The following KATNIP variants were observed in gnomAD, a reference collection of about 807,000 sequenced individuals.
KATNIP encodes katanin-interacting protein.
Under a neutral mutation model 174.0 loss-of-function variants are expected in KATNIP, and 126 were observed. That is an observed-to-expected ratio of 0.72 (90% CI 0.63 to 0.84). The LOEUF is 0.84. KATNIP is among the 40% of genes least tolerant of loss of function. The probability of loss-of-function intolerance (pLI) is 0.00; values close to 1 mark genes in which losing one functional copy is unlikely to be tolerated. For synonymous variants in KATNIP, 810 were observed against 835.7 expected (o/e 0.97, Z 0.53); for missense variants, 1,958 against 2,109.7 (o/e 0.93, Z 1.41).
At chr16:27,615,253 C>T (rs531605869) in intron 2 of KATNIP, among the ~76,000 whole-genome samples, 10 of 150,746 alleles carry the variant, frequency 6.6e-5, no homozygotes, top group South Asian at 2.1e-4. Context: ...CTCAGCCTCC[C>T]GAGCAGCTGG....
At chr16:27,771,946 G>A (rs992273019) in intron 22 of KATNIP, among the ~76,000 whole-genome samples, 2 of 152,158 alleles carry the variant, frequency 1.3e-5, no homozygotes, top group African/African-American at 4.8e-5. Flanking sequence ...GGGAAGGGGG[G>A]TGTCCTGGAA....
intron 2 of KATNIP, 91 bp downstream of exon 2, chr16:27,574,047 A>T (rs1208009724): frequency 8.7e-7 from 1 of 1,145,610 alleles, no homozygotes; most frequent in Non-Finnish European, 1.3e-6. Flanking sequence ...CCCTAAATAT[A>T]CTCTTTTCTC....
intron 14 of KATNIP, among the ~76,000 whole-genome samples, chr16:27,735,256 G>A (rs552568126): frequency 2.7e-4 from 41 of 152,164 alleles, no homozygotes; most frequent in African/African-American, 6.3e-4. Flanking sequence ...TTCCCTCTCC[G>A]CCAGACGTCT....
intron 14 of KATNIP, among the ~76,000 whole-genome samples, chr16:27,730,912 C>A (rs1212932000): frequency 6.6e-6 from 1 of 152,208 alleles, no homozygotes; most frequent in Non-Finnish European, 1.5e-5. Flanking sequence ...GATGACCTGG[C>A]AAATATTCCC....
intron 1 of KATNIP, among the ~76,000 whole-genome samples, chr16:27,570,430 G>T (rs1440935607): frequency 6.6e-6 from 1 of 152,058 alleles, no homozygotes; most frequent in Non-Finnish European, 1.5e-5. Flanking sequence ...AGCCAGGCAT[G>T]GTGGTGGGCA....
intron 2 of KATNIP, among the ~76,000 whole-genome samples, chr16:27,607,482 C>T (rs2141988186): frequency 6.6e-6 from 1 of 152,222 alleles, no homozygotes; most frequent in Middle Eastern, 3.4e-3. Context: ...CAAGCATTAG[C>T]TTGTCACCCA....
chr16:27,566,257 G>A (rs182915428), intron 1 of KATNIP, among the ~76,000 whole-genome samples: 3 of 152,102 alleles, frequency 2.0e-5, no homozygotes, highest in Non-Finnish European at 4.4e-5. Flanking sequence ...TCAGGAAGCC[G>A]GCCAGGCGTG....
Position 27,749,698 on chromosome 16 carries a change from G to A in KATNIP, c.2738G>A (p.Arg913His), listed in dbSNP as rs750088345. 1.3e-5 allele frequency: 21 copies of A among 1,613,306 alleles called. No individual in the cohort carries two copies. The highest frequency in any genetic ancestry group is 8.8e-5 in the South Asian group (8 of 90,904). ...GCCTTCGACCGCTCCCACCGGGGACGCATCTCCAACACGGAGCTCCCGGGG... is the reference window on the plus strand; with the variant it reads ...GCCTTCGACCGCTCCCACCGGGGACACATCTCCAACACGGAGCTCCCGGGG... ...LSAFDRSHRG[R>H]ISNTELPGDI... Residue 913 changes from arginine to histidine, a missense_variant, in exon 16 of 28, where the codon CGC becomes CAC. By Grantham distance (29) the Arg-to-His change is conservative (BLOSUM62 0). Around this residue, in one of 3 missense-constraint regions of KATNIP, gnomAD observed 1,557 missense variants for 1,617.8 expected, o/e 0.96. Coordinates refer to ENST00000261588, the MANE Select transcript of KATNIP (RefSeq NM_015202.5).
intron 5 of KATNIP, among the ~76,000 whole-genome samples, chr16:27,640,136 G>A (rs1354755885): frequency 6.6e-6 from 1 of 152,224 alleles, no homozygotes; most frequent in Non-Finnish European, 1.5e-5. Context: ...GGCCAGGTAT[G>A]AAATAAGCTG....
At chr16:27,700,725 A>G (rs1281606917) in intron 10 of KATNIP, among the ~76,000 whole-genome samples, 5 of 152,186 alleles carry the variant, frequency 3.3e-5, no homozygotes, top group Admixed American at 6.5e-5. Flanking sequence ...GAGCAGGAAG[A>G]AGCCCTTTGT....
At chr16:27,588,313 A>G (rs1381048535) in intron 2 of KATNIP, among the ~76,000 whole-genome samples, 1 of 152,138 alleles carries the variant, frequency 6.6e-6, no homozygotes, top group East Asian at 1.9e-4. Flanking sequence ...CTTATGTGCA[A>G]TAAAATAAGC....
Position 27,681,433 on chromosome 16 carries a change from G to A in KATNIP, c.843G>A (p.Arg281=). The change falls in exon 8 of 28, where the codon CGG becomes CGA. Residue 281 remains arginine, a synonymous_variant. Coordinates refer to ENST00000261588, the MANE Select transcript of KATNIP (RefSeq NM_015202.5). The part of the protein sequence containing the change: ...HKRERNLSAK[R]KDNAEVFVPT... ...GGGAAAGGAATTTGTCTGCAAAGCG[G>A]AAGGACAATGCTGAGGTTTTCGTTC... 6.2e-7 allele frequency: 1 copy of A among 1,614,234 alleles called. No individual in the cohort carries two copies. Among genetic ancestry groups the A allele is most frequent in the African/African-American group, 1.3e-5 (1 of 75,054 alleles).
intron 6 of KATNIP, among the ~76,000 whole-genome samples, chr16:27,669,787 C>T (rs1276655303): frequency 6.6e-6 from 1 of 152,072 alleles, no homozygotes; most frequent in Non-Finnish European, 1.5e-5. Flanking sequence ...CCAGCCACAC[C>T]GAATCTAGGC....
chr16:27,723,618 G>A (rs1317822370), intron 14 of KATNIP, among the ~76,000 whole-genome samples: 4 of 152,060 alleles, frequency 2.6e-5, no homozygotes, highest in East Asian at 1.9e-4. Context: ...GGAGAAATAC[G>A]TGGTTGATGA....
intron 2 of KATNIP, among the ~76,000 whole-genome samples, chr16:27,616,090 G>T (rs1407591360): frequency 6.6e-6 from 1 of 152,190 alleles, no homozygotes; most frequent in East Asian, 1.9e-4. Flanking sequence ...ACAGCAAATT[G>T]GCCAGGTGCG....
chr16:27,661,945 T>TACAC (rs2077501853), intron 6 of KATNIP, among the ~76,000 whole-genome samples: 2 of 65,330 alleles, frequency 3.1e-5, no homozygotes, highest in African/African-American at 1.4e-4. Flanking sequence ...TATATATATA[T>TACAC]ATATATATAT....
chr16:27,632,806 A>C (rs1321662440), intron 5 of KATNIP, among the ~76,000 whole-genome samples: 4 of 151,432 alleles, frequency 2.6e-5, no homozygotes, highest in African/African-American at 9.7e-5. Context: ...GGTGGAGTGC[A>C]GTGGTGTGAT....
intron 19 of KATNIP, among the ~76,000 whole-genome samples, chr16:27,762,784 G>A (rs1053989298): frequency 1.3e-5 from 2 of 152,082 alleles, no homozygotes; most frequent in Admixed American, 1.3e-4. Flanking sequence ...CCAACATCCT[G>A]GCAAGTCACT....
intron 6 of KATNIP, among the ~76,000 whole-genome samples, chr16:27,653,656 CT>C (rs869309905): frequency 0.024 from 3,408 of 144,564 alleles, 116 homozygotes; most frequent in African/African-American, 0.079. Flanking sequence ...GATTTTCCCA[CT>C]TTTTTTTTTT....
Sources: gnomAD v4.1 joint callset for allele counts (sites outside exome capture counted in the v4.1 genomes callset) on GRCh38, gnomAD v4.1.1 for gene constraint, gnomAD v4.1.1 regional missense constraint, MANE v1.5 for transcripts, NCBI Gene and HGNC (gene_info 2026-07-23, HGNC 2026-07-21) for gene names.